FRMD4A: variants seen among roughly 807,000 people sequenced by gnomAD.
FRMD4A encodes the protein FERM domain containing 4A.
In FRMD4A, 29 loss-of-function variants were observed where a neutral mutation model predicts 129.1. The ratio of observed to expected loss-of-function variants is 0.22; its 90% confidence interval spans 0.17 to 0.31. The LOEUF is 0.31. Ranked by LOEUF, FRMD4A falls within the 10% of genes least tolerant of loss-of-function variation. The pLI, the probability that FRMD4A is intolerant of heterozygous loss-of-function variation, is 1.00. For synonymous variants in FRMD4A, 634 were observed against 571.6 expected (o/e 1.11, Z -1.56); for missense variants, 1,272 against 1,375.8 (o/e 0.92, Z 1.19).
intron 2 of FRMD4A, among the ~76,000 whole-genome samples, chr10:13,921,016 A>G (rs2095064492): frequency 6.6e-6 from 1 of 152,142 alleles, no homozygotes; most frequent in African/African-American, 2.4e-5. Context: ...CTATAGCAAA[A>G]TACATAGACT....
At chr10:14,292,283 G>C (rs1343813197) in intron 2 of FRMD4A, among the ~76,000 whole-genome samples, 3 of 152,192 alleles carry the variant, frequency 2.0e-5, no homozygotes, top group African/African-American at 7.2e-5. Flanking sequence ...TGAGATACTG[G>C]CATGTGTATG....
chr10:14,143,570 A>T (rs1268597846), intron 2 of FRMD4A, among the ~76,000 whole-genome samples: 1 of 152,204 alleles, frequency 6.6e-6, no homozygotes, highest in Non-Finnish European at 1.5e-5. Context: ...ATTTAATGCC[A>T]CTGAATTATG....
At chr10:13,965,735 T>C (rs189048815) in intron 2 of FRMD4A, among the ~76,000 whole-genome samples, 2 of 152,320 alleles carry the variant, frequency 1.3e-5, no homozygotes, top group East Asian at 3.9e-4. Context: ...TTTCTTTCTT[T>C]CAGTAATGAA....
At chr10:14,306,662 C>T (rs1564454105) in intron 2 of FRMD4A, among the ~76,000 whole-genome samples, 1 of 152,136 alleles carries the variant, frequency 6.6e-6, no homozygotes, top group Non-Finnish European at 1.5e-5. Context: ...TGATCCTATG[C>T]CCCTGTAAGG....
At chr10:14,185,554 A>G (rs755427303) in intron 2 of FRMD4A, among the ~76,000 whole-genome samples, 18 of 152,224 alleles carry the variant, frequency 1.2e-4, no homozygotes, top group African/African-American at 1.9e-4. Context: ...ACATAAAGCA[A>G]GACTATTTAA....
intron 2 of FRMD4A, among the ~76,000 whole-genome samples, chr10:14,061,417 G>A (rs576625074): frequency 3.3e-5 from 5 of 152,252 alleles, no homozygotes; most frequent in Middle Eastern, 3.4e-3. Context: ...CAGTCTGAGC[G>A]ACAGAGTGAG....
chr10:14,166,500 C>A (rs922879742), intron 2 of FRMD4A, among the ~76,000 whole-genome samples: 1 of 152,068 alleles, frequency 6.6e-6, no homozygotes, highest in Non-Finnish European at 1.5e-5. Context: ...TAATCATTTG[C>A]TTTTTCAACA....
intron 2 of FRMD4A, among the ~76,000 whole-genome samples, chr10:14,319,196 A>G (rs781225680): frequency 1.3e-5 from 2 of 152,214 alleles, no homozygotes; most frequent in Admixed American, 6.5e-5. Flanking sequence ...CTGAAGCTCC[A>G]GTGTGGAACA....
intron 2 of FRMD4A, among the ~76,000 whole-genome samples, chr10:13,972,823 G>A (rs903473000): frequency 3.9e-5 from 6 of 152,314 alleles, no homozygotes; most frequent in South Asian, 4.1e-4. Flanking sequence ...TTAAGACAAA[G>A]AGCATGTTTA....
At chr10:13,788,721 C>T (rs138263747) in intron 5 of FRMD4A, among the ~76,000 whole-genome samples, 77 of 152,292 alleles carry the variant, frequency 5.1e-4, no homozygotes, top group South Asian at 1.7e-3. Flanking sequence ...GATCCCGACC[C>T]GAGAATATTT....
At chr10:13,749,459 TG>T (rs1356808511) in intron 8 of FRMD4A, among the ~76,000 whole-genome samples, 1 of 152,106 alleles carries the variant, frequency 6.6e-6, no homozygotes, top group East Asian at 1.9e-4. Context: ...GGTGCTTGGA[TG>T]GTGGACACTC....
intron 2 of FRMD4A, among the ~76,000 whole-genome samples, chr10:13,971,328 T>C (rs2095516935): frequency 6.6e-6 from 1 of 152,218 alleles, no homozygotes; most frequent in Non-Finnish European, 1.5e-5. Flanking sequence ...TCTGGGTGAC[T>C]TTGAACAACT....
intron 2 of FRMD4A, among the ~76,000 whole-genome samples, chr10:14,319,857 T>C (rs1304354201): frequency 6.6e-6 from 1 of 152,158 alleles, no homozygotes; most frequent in Non-Finnish European, 1.5e-5. Context: ...ACCTCTGTAG[T>C]CCTCAGTCAA....
At chr10:14,094,460 C>T (rs1836835092) in intron 2 of FRMD4A, among the ~76,000 whole-genome samples, 1 of 152,160 alleles carries the variant, frequency 6.6e-6, no homozygotes, top group African/African-American at 2.4e-5. Context: ...TGGTGTGGGC[C>T]AGTCTCCTCT....
chr10:14,165,192 A>G (rs1482903738), intron 2 of FRMD4A, among the ~76,000 whole-genome samples: 3 of 152,266 alleles, frequency 2.0e-5, no homozygotes, highest in African/African-American at 7.2e-5. Flanking sequence ...AACCTCATTA[A>G]GAAATGGGCA....
intron 6 of FRMD4A, among the ~76,000 whole-genome samples, chr10:13,764,973 A>G (rs1470406697): frequency 6.6e-6 from 1 of 152,138 alleles, no homozygotes; most frequent in Non-Finnish European, 1.5e-5. Flanking sequence ...TAGGACTTAC[A>G]TTTCCACCCA....
At chr10:14,257,066 C>T (rs116903956) in intron 2 of FRMD4A, among the ~76,000 whole-genome samples, 1 of 152,104 alleles carries the variant, frequency 6.6e-6, no homozygotes, top group East Asian at 1.9e-4. Flanking sequence ...TAGTGGCTCA[C>T]ACCTGTAATC....
At chr10:14,132,132 A>C (rs1219614297) in intron 2 of FRMD4A, among the ~76,000 whole-genome samples, 1 of 152,102 alleles carries the variant, frequency 6.6e-6, no homozygotes, top group African/African-American at 2.4e-5. Flanking sequence ...CTAAAAATAC[A>C]AAAATTAGCT....
At chr10:13,995,411 C>G (rs1216966684) in intron 2 of FRMD4A, among the ~76,000 whole-genome samples, 2 of 152,108 alleles carry the variant, frequency 1.3e-5, no homozygotes, top group Non-Finnish European at 2.9e-5. Flanking sequence ...ATAATGAAAC[C>G]CTGTCTCTAC....
Sources: allele counts gnomAD v4.1 joint callset (sites outside exome capture counted in the v4.1 genomes callset), GRCh38; gene constraint gnomAD v4.1.1; transcripts MANE v1.5; gene names NCBI Gene and HGNC (gene_info 2026-07-23, HGNC 2026-07-21).